The following MAP2K2 variants were observed in gnomAD, a reference collection of about 807,000 sequenced individuals.
The protein encoded by MAP2K2 is mitogen-activated protein kinase kinase 2.
Under a neutral mutation model 43.7 loss-of-function variants are expected in MAP2K2, and 24 were observed. The ratio of observed to expected loss-of-function variants is 0.55; its 90% CI spans 0.40 to 0.77. The LOEUF (loss-of-function observed/expected upper bound fraction) is 0.77. Among genes scored for constraint, MAP2K2 ranks in the 30% least tolerant of loss-of-function variants. The probability of loss-of-function intolerance (pLI) is 0.00; values close to 1 mark genes in which losing one functional copy is unlikely to be tolerated. For missense variants in MAP2K2, 470 were observed against 566.8 expected (o/e 0.83, Z 1.73); for synonymous variants, 244 against 239.7 (o/e 1.02, Z -0.17).
intron 7 of MAP2K2, among the ~76,000 whole-genome samples, chr19:4,098,390 C>T (rs1317556188): frequency 1.3e-5 from 2 of 152,138 alleles, no homozygotes; most frequent in African/African-American, 4.8e-5. Context: ...AACTGCTCAC[C>T]TGAAATGAGT....
At chr19:4,093,511 T>C (rs922597133) in intron 10 of MAP2K2, among the ~76,000 whole-genome samples, 7 of 151,986 alleles carry the variant, frequency 4.6e-5, no homozygotes, top group Non-Finnish European at 1.0e-4. Context: ...GACAACATGG[T>C]GAAAGCCTGT....
At position 4,124,101 on chromosome 19, in the gene MAP2K2, C is replaced by CG. The variant is rs1338739346; in HGVS notation, c.-227dup. ...GCTGCCGAGGCCCGAAGAAGGCTGA[C>CG]GCCGCAGCCCGAGTCCGAGAGGCAG... is the stretch of plus-strand genomic sequence containing the variant. On this transcript the variant is annotated 5_prime_UTR_variant, in exon 1 of 11. Transcript: ENST00000262948. The CG allele has an allele frequency of 5.6e-5, 12 of 214,318 alleles. No homozygotes were observed. The East Asian group carries it at 8.0e-4, about 14-fold the overall frequency. 13.3% of individuals were successfully genotyped at this position (214,318 alleles called of 1,614,324 possible).
At chr19:4,114,917 G>A (rs530115282) in intron 2 of MAP2K2, among the ~76,000 whole-genome samples, 10 of 152,146 alleles carry the variant, frequency 6.6e-5, no homozygotes, top group African/African-American at 2.4e-4. Context: ...GTGACAGAGC[G>A]AGACTCTGTC....
intron 2 of MAP2K2, among the ~76,000 whole-genome samples, chr19:4,114,821 T>A (rs1459067218): frequency 2.0e-5 from 3 of 151,912 alleles, no homozygotes; most frequent in Admixed American, 2.0e-4. Flanking sequence ...TGCCAGCCAC[T>A]CAGGAGGCTA....
At chr19:4,102,103 G>A (rs1436890068) in intron 4 of MAP2K2, among the ~76,000 whole-genome samples, 4 of 152,148 alleles carry the variant, frequency 2.6e-5, no homozygotes, top group Admixed American at 1.3e-4. Flanking sequence ...CCCCTGCCAC[G>A]AGGGGCAGAG....
chr19:4,123,787 G>A lies in MAP2K2; in HGVS notation c.89C>T (p.Ser30Phe). 6.4e-7 allele frequency: 1 copy of A among 1,554,034 alleles called. No homozygotes were observed. Among genetic ancestry groups the A allele is most frequent in the Admixed American group, 1.9e-5 (1 of 52,606 alleles). The stretch of plus-strand genomic sequence containing the variant: ...CGGCTGACCCCTGCCCACTCACTCG[G>A]AGGCGCCCTCGCTGGTAGGGGATGG... ...EGPSPTSEGASEANLVDLQKK... is the reference protein window; with the variant it reads ...EGPSPTSEGAFEANLVDLQKK... Residue 30 changes from serine to phenylalanine, a missense_variant, in exon 1 of 11, where the codon TCC becomes TTC. This residue lies in a region of MAP2K2 where 58 missense variants were observed against 48.0 expected (regional missense o/e 1.21). Transcript: ENST00000262948.
Sources: allele counts gnomAD v4.1 joint callset (sites outside exome capture counted in the v4.1 genomes callset), GRCh38; gene constraint gnomAD v4.1.1; regional missense constraint gnomAD v4.1.1; transcripts MANE v1.5; gene names NCBI Gene and HGNC (gene_info 2026-07-23, HGNC 2026-07-21).